The following CTNNA3 variants were observed in gnomAD, a reference collection of about 807,000 sequenced individuals.
CTNNA3 encodes catenin alpha 3.
In CTNNA3, 76 loss-of-function variants were observed where a neutral mutation model predicts 95.7. The observed-to-expected ratio is 0.79, with a 90% CI of 0.66 to 0.96. The LOEUF (loss-of-function observed/expected upper bound fraction) is 0.96, where lower values mean the gene tolerates loss of function less well. Among genes scored for constraint, CTNNA3 ranks in the 40% least tolerant of loss-of-function variants. The pLI, the probability that CTNNA3 is intolerant of heterozygous loss-of-function variation, is 0.00. For missense variants in CTNNA3, 1,191 were observed against 1,089.8 expected, an observed-to-expected ratio of 1.09 and a Z score of -1.31; for synonymous variants, 431 against 374.4, an observed-to-expected ratio of 1.15 and a Z score of -1.74.
intron 10 of CTNNA3, among the ~76,000 whole-genome samples, chr10:66,617,638 T>C (rs1292956595): frequency 6.6e-6 from 1 of 152,134 alleles, no homozygotes; most frequent in Non-Finnish European, 1.5e-5. Context: ...GCATTCCCTT[T>C]GAAAACTGGC....
At chr10:66,304,683 G>A (rs949803250) in intron 12 of CTNNA3, among the ~76,000 whole-genome samples, 1 of 151,960 alleles carries the variant, frequency 6.6e-6, no homozygotes, top group African/African-American at 2.4e-5. Flanking sequence ...TAATACTCAA[G>A]AGTATCCGCC....
At chr10:67,668,950 T>A (rs2133545944) in intron 1 of CTNNA3, among the ~76,000 whole-genome samples, 1 of 146,834 alleles carries the variant, frequency 6.8e-6, no homozygotes, top group East Asian at 2.2e-4. Flanking sequence ...GTGAATCTCC[T>A]ACCTCAGCCT....
chr10:67,643,598 A>G (rs530751876), intron 2 of CTNNA3, among the ~76,000 whole-genome samples: 2 of 152,022 alleles, frequency 1.3e-5, no homozygotes, highest in South Asian at 4.2e-4. Context: ...GGTTTGTTAC[A>G]TAGGTATACA....
chr10:66,992,632 C>T (rs1851105185), intron 7 of CTNNA3, among the ~76,000 whole-genome samples: 1 of 151,866 alleles, frequency 6.6e-6, no homozygotes, highest in South Asian at 2.1e-4. Flanking sequence ...AATGTTTTAT[C>T]CCAGGGTTAT....
rs542951749 is a variant in CTNNA3, at chr10:67,321,747, C to A, written c.580-101877G>T. ...CCACACCTCTCCTCTTAAATTCAAACTCACATATACAACTTGATTTCTGTT... is the reference window on the plus strand; with the variant it reads ...CCACACCTCTCCTCTTAAATTCAAAATCACATATACAACTTGATTTCTGTT... On this transcript the variant is annotated intron_variant, in intron 5 of 17. Coordinates refer to ENST00000433211, the MANE Select transcript of CTNNA3 (RefSeq NM_013266.4). Among the ~76,000 whole-genome samples the A allele has an allele frequency of 4.6e-4, 70 of 152,220 alleles. No individual in the cohort carries two copies. The South Asian group carries it at 0.012, about 27-fold the overall frequency.
chr10:66,322,398 G>T (rs2092201364), intron 12 of CTNNA3, among the ~76,000 whole-genome samples: 2 of 152,036 alleles, frequency 1.3e-5, no homozygotes, highest in African/African-American at 2.4e-5. Context: ...CCTAGATTTA[G>T]ACATGAGCAG....
At chr10:66,835,608 T>C (rs868505992) in intron 7 of CTNNA3, among the ~76,000 whole-genome samples, 6 of 152,212 alleles carry the variant, frequency 3.9e-5, no homozygotes, top group African/African-American at 1.4e-4. Flanking sequence ...GTGATACTTT[T>C]GACACACCCC....
intron 3 of CTNNA3, among the ~76,000 whole-genome samples, chr10:67,561,128 T>C (rs968034684): frequency 6.9e-6 from 1 of 145,898 alleles, no homozygotes; most frequent in Admixed American, 6.7e-5. Context: ...CAGCTCTGCA[T>C]CAAGTGGACC....
At chr10:67,503,034 C>G (rs1161464304) in intron 5 of CTNNA3, among the ~76,000 whole-genome samples, 1 of 152,196 alleles carries the variant, frequency 6.6e-6, no homozygotes, top group Non-Finnish European at 1.5e-5. Flanking sequence ...ATTCCTGCAG[C>G]TAGCTCAGTG....
intron 2 of CTNNA3, among the ~76,000 whole-genome samples, chr10:67,620,353 G>A (rs1843787301): frequency 6.6e-6 from 1 of 152,078 alleles, no homozygotes; most frequent in Non-Finnish European, 1.5e-5. Flanking sequence ...CAGGCACTAA[G>A]TGTCCAAAGG....
intron 13 of CTNNA3, among the ~76,000 whole-genome samples, chr10:66,254,517 C>G (rs2090684522): frequency 6.6e-6 from 1 of 152,190 alleles, no homozygotes; most frequent in African/African-American, 2.4e-5. Flanking sequence ...ACTCAGTCCT[C>G]CCTTGCTGAG....
intron 7 of CTNNA3, among the ~76,000 whole-genome samples, chr10:66,996,647 T>TAAAAAAAA (rs1440460577): frequency 1.1e-4 from 1 of 8,956 alleles, no homozygotes; most frequent in Non-Finnish European, 1.8e-4. Flanking sequence ...ACTCCGTCTC[T>TAAAAAAAA]ACAAAAAAAA....
chr10:67,042,610 G>A (rs1433806351), intron 7 of CTNNA3, among the ~76,000 whole-genome samples: 1 of 151,890 alleles, frequency 6.6e-6, no homozygotes, highest in African/African-American at 2.4e-5. Flanking sequence ...GAAGCTAGGA[G>A]GAGAAAGGAA....
intron 15 of CTNNA3, among the ~76,000 whole-genome samples, chr10:66,029,355 A>C (rs903465589): frequency 6.6e-6 from 1 of 151,434 alleles, no homozygotes; most frequent in African/African-American, 2.4e-5. Context: ...AGCCCCAATC[A>C]CATCTCTGAC....
chr10:66,590,885 C>T (rs1843526265), intron 10 of CTNNA3, among the ~76,000 whole-genome samples: 3 of 152,062 alleles, frequency 2.0e-5, no homozygotes, highest in Admixed American at 2.0e-4. Flanking sequence ...AAAGAGATGG[C>T]ATTGCTAATA....
chr10:66,985,111 T>C (rs1362396035), intron 7 of CTNNA3, among the ~76,000 whole-genome samples: 1 of 152,204 alleles, frequency 6.6e-6, no homozygotes, highest in Non-Finnish European at 1.5e-5. Flanking sequence ...TCCTTATGGC[T>C]GCCTTCTGCA....
At chr10:66,428,153 A>C (rs2131736809) in intron 11 of CTNNA3, among the ~76,000 whole-genome samples, 1 of 152,308 alleles carries the variant, frequency 6.6e-6, no homozygotes, top group Admixed American at 6.5e-5. Context: ...AAAGAGACAA[A>C]GAAGGCCATT....
At chr10:67,425,718 G>T (rs1233194023) in intron 5 of CTNNA3, among the ~76,000 whole-genome samples, 1 of 152,026 alleles carries the variant, frequency 6.6e-6, no homozygotes, top group East Asian at 1.9e-4. Flanking sequence ...ACTCCATAAT[G>T]AGATGAATCA....
chr10:66,927,320 T>G lies in CTNNA3; in HGVS notation c.1048-151796A>C. On this transcript the variant is annotated intron_variant, in intron 7 of 17. Coordinates refer to ENST00000433211, the MANE Select transcript of CTNNA3 (RefSeq NM_013266.4). This position sits in a 1 kb window ranked among gnomAD's most constrained non-coding sequence, Gnocchi z 4.7. The stretch of plus-strand genomic sequence containing the variant: ...AATACCTTCAGACCTGTGACAAATT[T>G]ACGGAACTTGGATCTGTCCTATAAT... The G allele has an allele frequency of 6.2e-7, 1 of 1,614,164 alleles. No homozygotes were observed. Among genetic ancestry groups the G allele is most frequent in the Non-Finnish European group, 8.5e-7 (1 of 1,180,030 alleles).
Sources: allele counts gnomAD v4.1 joint callset (sites outside exome capture counted in the v4.1 genomes callset), GRCh38; gene constraint gnomAD v4.1.1; non-coding constraint Gnocchi (gnomAD v3.1); transcripts MANE v1.5; gene names NCBI Gene and HGNC (gene_info 2026-07-23, HGNC 2026-07-21).